NPAS3: variants seen among roughly 807,000 people sequenced by gnomAD.
The protein encoded by NPAS3 is neuronal PAS domain protein 3.
NPAS3 carries 14 observed loss-of-function variants against 73.1 expected under a neutral mutation model. The observed-to-expected ratio is 0.19, with a 90% CI of 0.13 to 0.30. NPAS3 has a LOEUF of 0.30. Ranked by LOEUF, NPAS3 falls within the 10% of genes least tolerant of loss-of-function variation. The pLI, the probability that NPAS3 is intolerant of heterozygous loss-of-function variation, is 1.00. For synonymous variants in NPAS3, 620 were observed against 541.5 expected (o/e 1.14, Z -2.01); for missense variants, 1,096 against 1,250.0 (o/e 0.88, Z 1.86).
At chr14:33,692,543 G>A (rs1490687717) in intron 6 of NPAS3, among the ~76,000 whole-genome samples, 6 of 152,022 alleles carry the variant, frequency 3.9e-5, no homozygotes, top group Admixed American at 3.9e-4. Flanking sequence ...TTTACTGATG[G>A]TAGATTAAGA....
chr14:32,939,163 GC>G, upstream of NPAS3: 1 of 148,982 alleles, frequency 6.7e-6, no homozygotes, highest in Non-Finnish European at 1.4e-5. Flanking sequence ...CACGGCCCCG[GC>G]CCCGGCCACC....
At chr14:33,090,528 G>T (rs1476594324) in intron 2 of NPAS3, among the ~76,000 whole-genome samples, 1 of 152,176 alleles carries the variant, frequency 6.6e-6, no homozygotes, top group Non-Finnish European at 1.5e-5. Flanking sequence ...AAGAGACTTA[G>T]ACTCCCACAC....
At chr14:33,087,153 C>T (rs1410172494) in intron 2 of NPAS3, among the ~76,000 whole-genome samples, 1 of 98,132 alleles carries the variant, frequency 1.0e-5, no homozygotes, top group African/African-American at 5.3e-5. Flanking sequence ...ATATAGTATA[C>T]AATATAATAT....
chr14:33,335,318 T>C (rs2140292165), intron 3 of NPAS3, among the ~76,000 whole-genome samples: 1 of 152,256 alleles, frequency 6.6e-6, no homozygotes, highest in East Asian at 1.9e-4. Context: ...TAAAATGGCA[T>C]GGGCTAGGTA....
intron 8 of NPAS3, among the ~76,000 whole-genome samples, chr14:33,776,875 G>A (rs916968275): frequency 2.0e-5 from 3 of 152,158 alleles, no homozygotes; most frequent in East Asian, 1.9e-4. Flanking sequence ...CTCAAATGCC[G>A]GGCTAGTCGC....
At chr14:33,774,595 C>A (rs1595590304) in intron 8 of NPAS3, 65 bp downstream of exon 8, 4 of 1,329,730 alleles carry the variant, frequency 3.0e-6, no homozygotes, top group Non-Finnish European at 4.3e-6. Flanking sequence ...TGTGTTTCAG[C>A]CGTCTGAAGG....
chr14:33,636,719 A>G (rs1156678478), intron 5 of NPAS3, among the ~76,000 whole-genome samples: 1 of 152,180 alleles, frequency 6.6e-6, no homozygotes, highest in Non-Finnish European at 1.5e-5. Flanking sequence ...CCCTTCTCAG[A>G]GTCACACGGC....
At chr14:33,010,276 A>G (rs1327225215) in intron 1 of NPAS3, among the ~76,000 whole-genome samples, 4 of 152,212 alleles carry the variant, frequency 2.6e-5, no homozygotes, top group Non-Finnish European at 4.4e-5. Context: ...GGTCATAACC[A>G]GGGGGATAGG....
intron 4 of NPAS3, among the ~76,000 whole-genome samples, chr14:33,537,346 C>A (rs1426369839): frequency 6.6e-6 from 1 of 152,086 alleles, no homozygotes; most frequent in Non-Finnish European, 1.5e-5. Context: ...TAAAATGAAA[C>A]AAATCAGTGT....
chr14:33,590,147 T>C (rs1347640170), intron 5 of NPAS3, among the ~76,000 whole-genome samples: 4 of 152,104 alleles, frequency 2.6e-5, no homozygotes, highest in African/African-American at 9.7e-5. Context: ...GAGCAGAAAA[T>C]TCCTCAGTAT....
intron 3 of NPAS3, among the ~76,000 whole-genome samples, chr14:33,237,850 C>G (rs1566710919): frequency 6.6e-6 from 1 of 151,542 alleles, no homozygotes. Flanking sequence ...AGTATATAAA[C>G]TATGCATTTT....
intron 4 of NPAS3, among the ~76,000 whole-genome samples, chr14:33,479,082 A>C (rs1367308446): frequency 2.0e-5 from 3 of 152,194 alleles, no homozygotes; most frequent in African/African-American, 7.2e-5. Context: ...TATGGCAATA[A>C]AAGGCTAAGG....
intron 3 of NPAS3, among the ~76,000 whole-genome samples, chr14:33,362,138 A>G (rs1012669826): frequency 6.6e-6 from 1 of 152,124 alleles, no homozygotes; most frequent in African/African-American, 2.4e-5. Flanking sequence ...ATGTTGCTAT[A>G]TGGGTTAAGC....
chr14:33,026,493 C>T (rs1044601104), intron 1 of NPAS3, among the ~76,000 whole-genome samples: 10 of 151,580 alleles, frequency 6.6e-5, no homozygotes, highest in Admixed American at 3.9e-4. Flanking sequence ...CTCATGTTAA[C>T]GGAGTCTACA....
At chr14:33,428,963 T>A (rs933355138) in intron 4 of NPAS3, among the ~76,000 whole-genome samples, 1 of 152,084 alleles carries the variant, frequency 6.6e-6, no homozygotes, top group Admixed American at 6.6e-5. Flanking sequence ...AGACACTATT[T>A]GGAGAAAAGA....
chr14:33,774,285 A>G, intron 7 of NPAS3, 52 bp from the exon 8 acceptor site: 1 of 1,429,762 alleles, frequency 7.0e-7, no homozygotes, highest in Non-Finnish European at 9.8e-7. Flanking sequence ...AAATGCTGTT[A>G]TATCTGGGAT....
At chr14:33,640,471 T>C (rs554648368) in intron 5 of NPAS3, among the ~76,000 whole-genome samples, 50 of 152,322 alleles carry the variant, frequency 3.3e-4, no homozygotes, top group Non-Finnish European at 5.7e-4. Context: ...AAAAAAAAGT[T>C]TAAAATGCAC....
intron 5 of NPAS3, among the ~76,000 whole-genome samples, chr14:33,562,983 A>G (rs893042219): frequency 6.6e-6 from 1 of 151,922 alleles, no homozygotes; most frequent in Admixed American, 6.6e-5. Context: ...TGGTTATTCT[A>G]TCAAATTCTA....
intron 3 of NPAS3, among the ~76,000 whole-genome samples, chr14:33,286,884 T>C (rs2041898582): frequency 6.6e-6 from 1 of 152,144 alleles, no homozygotes; most frequent in African/African-American, 2.4e-5. Flanking sequence ...TATTTCTCCA[T>C]GGTAAAAGAG....
Sources: gnomAD v4.1 joint callset for allele counts (sites outside exome capture counted in the v4.1 genomes callset) on GRCh38, gnomAD v4.1.1 for gene constraint, MANE v1.5 for transcripts, NCBI Gene and HGNC (gene_info 2026-07-23, HGNC 2026-07-21) for gene names.